The following SPMAP2L variants were observed in gnomAD, a reference collection of about 807,000 sequenced individuals.
The protein encoded by SPMAP2L is sperm microtubule associated protein 2 like.
At chr4:56,593,363 C>A in the SPMAP2L span, 16 of 1,226,430 alleles carry the variant, frequency 1.3e-5, no homozygotes, top group African/African-American at 1.0e-4. Context: ...CAGACTCGAG[C>A]CAAATATACT....
At chr4:56,578,153 G>A in the SPMAP2L span, among the ~76,000 whole-genome samples, 1 of 152,108 alleles carries the variant, frequency 6.6e-6, no homozygotes, top group East Asian at 1.9e-4. Flanking sequence ...TGACATAAAA[G>A]ACAATTGCCT....
At chr4:56,606,546 C>A in the SPMAP2L span, among the ~76,000 whole-genome samples, 1 of 152,124 alleles carries the variant, frequency 6.6e-6, no homozygotes, top group African/African-American at 2.4e-5. Context: ...GCTGTTCTGA[C>A]TCCTACCCTG....
the SPMAP2L span, among the ~76,000 whole-genome samples, chr4:56,563,806 A>G: frequency 6.6e-6 from 1 of 152,292 alleles, no homozygotes; most frequent in South Asian, 2.1e-4. Flanking sequence ...ATATAACTTT[A>G]GAATTCTTGC....
At chr4:56,547,852 C>T in the SPMAP2L span, among the ~76,000 whole-genome samples, 196 of 152,218 alleles carry the variant, frequency 1.3e-3, 1 homozygote, top group South Asian at 9.7e-3. Context: ...ACAAAAAAAC[C>T]CAGCTTATAA....
the SPMAP2L span, among the ~76,000 whole-genome samples, chr4:56,608,672 G>A: frequency 6.6e-6 from 1 of 152,156 alleles, no homozygotes; most frequent in Admixed American, 6.5e-5. Context: ...AATATAGTTG[G>A]CAGAGAGTCC....
At chr4:56,584,689 T>C in the SPMAP2L span, 2 of 952,854 alleles carry the variant, frequency 2.1e-6, no homozygotes, top group Non-Finnish European at 3.2e-6. Context: ...TAGATGTGTT[T>C]TCCTTTCTTC....
chr4:56,569,938 A>G, the SPMAP2L span, among the ~76,000 whole-genome samples: 1 of 152,214 alleles, frequency 6.6e-6, no homozygotes, highest in South Asian at 2.1e-4. Flanking sequence ...TTTGTATTTC[A>G]TGACCCAAGG....
chr4:56,541,245 A>G, the SPMAP2L span, among the ~76,000 whole-genome samples: 2 of 152,254 alleles, frequency 1.3e-5, no homozygotes, highest in African/African-American at 4.8e-5. Flanking sequence ...ATTTGAATAT[A>G]TAAACTTTAA....
chr4:56,566,445 C>T, the SPMAP2L span, among the ~76,000 whole-genome samples: 102 of 152,286 alleles, frequency 6.7e-4, no homozygotes, highest in Non-Finnish European at 1.2e-3. Context: ...GATCCACCTG[C>T]CTTGGCCTCC....
the SPMAP2L span, among the ~76,000 whole-genome samples, chr4:56,582,795 A>C: frequency 6.8e-3 from 1,035 of 152,334 alleles, 14 homozygotes; most frequent in African/African-American, 0.024. Context: ...CATAATAGCC[A>C]AAAACTGGCA....
the SPMAP2L span, among the ~76,000 whole-genome samples, chr4:56,620,618 C>T: frequency 1.3e-5 from 2 of 152,310 alleles, no homozygotes; most frequent in Admixed American, 1.3e-4. Flanking sequence ...CTCCCAACCT[C>T]AGGTGATCTG....
At chr4:56,535,993 C>A in the SPMAP2L span, among the ~76,000 whole-genome samples, 2 of 152,232 alleles carry the variant, frequency 1.3e-5, no homozygotes, top group Non-Finnish European at 2.9e-5. Flanking sequence ...AAGCTAGATC[C>A]CTCACATGCG....
chr4:56,617,438 C>T, the SPMAP2L span, among the ~76,000 whole-genome samples: 10 of 152,190 alleles, frequency 6.6e-5, no homozygotes, highest in East Asian at 1.9e-4. Context: ...CTACCTGAGC[C>T]GGTGGTAGTG....
the SPMAP2L span, chr4:56,594,258 T>A: frequency 1.3e-6 from 2 of 1,583,222 alleles, no homozygotes; most frequent in Non-Finnish European, 1.7e-6. Flanking sequence ...GAAACAAATA[T>A]TGTCCGGTAT....
chr4:56,584,716 C>A, the SPMAP2L span: 1 of 801,004 alleles, frequency 1.2e-6, no homozygotes, highest in Non-Finnish European at 2.0e-6. Context: ...ATTTTTCCCT[C>A]TTATCAAATG....
the SPMAP2L span, chr4:56,593,680 G>A: frequency 1.2e-6 from 2 of 1,602,566 alleles, no homozygotes; most frequent in Admixed American, 1.7e-5. Flanking sequence ...AAAGCTTGGT[G>A]AGAATGATGC....
At chr4:56,569,493 C>T in the SPMAP2L span, among the ~76,000 whole-genome samples, 2 of 151,762 alleles carry the variant, frequency 1.3e-5, no homozygotes, top group East Asian at 3.9e-4. Context: ...TTGAGGCTTG[C>T]TTTTAAGTTT....
the SPMAP2L span, among the ~76,000 whole-genome samples, chr4:56,532,755 T>A: frequency 1.3e-5 from 2 of 152,228 alleles, no homozygotes. Context: ...ACTCCTATCA[T>A]CATGCATGGA....
At chr4:56,595,478 G>A in the SPMAP2L span, 2 of 1,594,312 alleles carry the variant, frequency 1.3e-6, no homozygotes, top group Non-Finnish European at 1.7e-6. Flanking sequence ...ATCGACCCCA[G>A]GGTCAATCCG....
Sources: allele counts gnomAD v4.1 joint callset (sites outside exome capture counted in the v4.1 genomes callset), GRCh38; gene constraint gnomAD v4.1.1; transcripts MANE v1.5; gene names NCBI Gene and HGNC (gene_info 2026-07-23, HGNC 2026-07-21).